The following MACROD1 variants were observed in gnomAD, a reference collection of about 807,000 sequenced individuals.
MACROD1 encodes mono-ADP ribosylhydrolase 1.
Under a neutral mutation model 41.4 loss-of-function variants are expected in MACROD1, and 31 were observed. The ratio of observed to expected loss-of-function variants is 0.75; its 90% CI spans 0.56 to 1.01. MACROD1 has a LOEUF of 1.01. MACROD1 is among the 50% of genes least tolerant of loss of function. The pLI, the probability that MACROD1 is intolerant of heterozygous loss-of-function variation, is 0.00. For missense variants in MACROD1, 473 were observed against 460.0 expected, an observed-to-expected ratio of 1.03 and a Z score of -0.26; for synonymous variants, 252 against 203.4, an observed-to-expected ratio of 1.24 and a Z score of -2.03.
chr11:64,154,219 C>T (rs1945630309), intron 1 of MACROD1, among the ~76,000 whole-genome samples: 1 of 152,172 alleles, frequency 6.6e-6, no homozygotes, highest in African/African-American at 2.4e-5. Context: ...TGCCTGCCTG[C>T]TCTCATTCCC....
At chr11:64,143,743 GACACACACAT>G (rs1351110350) in intron 3 of MACROD1, among the ~76,000 whole-genome samples, 2,679 of 71,452 alleles carry the variant, frequency 0.037, 72 homozygotes, top group African/African-American at 0.072. Context: ...CCCCAACCCC[GACACACACAT>G]ACACACACAC....
At chr11:64,005,608 C>G (rs755707829) in intron 4 of MACROD1, among the ~76,000 whole-genome samples, 1 of 152,232 alleles carries the variant, frequency 6.6e-6, no homozygotes, top group African/African-American at 2.4e-5. Flanking sequence ...GGTGCCGAGT[C>G]TCATACCTCT....
At chr11:64,084,760 C>G (rs949129248) in intron 3 of MACROD1, among the ~76,000 whole-genome samples, 3 of 152,184 alleles carry the variant, frequency 2.0e-5, no homozygotes, top group African/African-American at 7.2e-5. Flanking sequence ...CTTGGTGACC[C>G]CAGCATTCTC....
rs1191561780 is a variant in MACROD1, at chr11:64,146,804, CCACA to C, written c.517+4431_517+4434del. ...CATCATACAAATGCATACGCACACC[CCACA>C]CACATAGGCCAAACTCCTGACCTCA... On this transcript the variant is annotated intron_variant, in intron 3 of 10. Transcript: ENST00000255681. The surrounding 1 kb of genome is among the most constrained non-coding windows in gnomAD (Gnocchi z 4.7). Among the ~76,000 whole-genome samples, 5 of 151,786 alleles carry C rather than the reference CCACA, an allele frequency of 3.3e-5. No individual in the cohort carries two copies. The East Asian group carries it at 5.8e-4, about 18-fold the overall frequency.
intron 3 of MACROD1, among the ~76,000 whole-genome samples, chr11:64,144,115 C>T (rs1188578141): frequency 6.6e-6 from 1 of 151,660 alleles, no homozygotes; most frequent in Non-Finnish European, 1.5e-5. Context: ...CCGTGGCTCA[C>T]TCCAGACCCC....
At chr11:64,008,636 C>T (rs1158606786) in intron 4 of MACROD1, among the ~76,000 whole-genome samples, 1 of 152,158 alleles carries the variant, frequency 6.6e-6, no homozygotes, top group East Asian at 1.9e-4. Flanking sequence ...CCTAGCTTCT[C>T]TTGGGCGGTG....
intron 1 of MACROD1, among the ~76,000 whole-genome samples, chr11:64,158,632 C>T (rs548967182): frequency 2.0e-5 from 3 of 152,208 alleles, no homozygotes; most frequent in South Asian, 2.1e-4. Flanking sequence ...GCTTGGAGAG[C>T]GAGGAAGCAG....
At position 63,998,953 on chromosome 11, in the gene MACROD1, AC is replaced by A; in HGVS notation, c.973+1del. On this transcript the variant is annotated splice_donor_variant, in intron 9 of 10. Coordinates refer to ENST00000255681, the MANE Select transcript of MACROD1 (RefSeq NM_014067.4). LOFTEE classifies it high-confidence loss of function. ...GGCCGTGGGGCGGCGCGGGGCACGTACCCACGGGGAAGTAGTGGGGGAGCCG... is the reference window on the plus strand; with the variant it reads ...GGCCGTGGGGCGGCGCGGGGCACGTACCACGGGGAAGTAGTGGGGGAGCCG... 2 of 1,593,310 alleles carry A rather than the reference AC, an allele frequency of 1.3e-6. No homozygotes were observed. Among genetic ancestry groups the A allele is most frequent in the Non-Finnish European group, 1.7e-6 (2 of 1,172,188 alleles).
chr11:64,086,686 G>C, intron 3 of MACROD1, among the ~76,000 whole-genome samples: 1 of 152,188 alleles, frequency 6.6e-6, no homozygotes, highest in Non-Finnish European at 1.5e-5. Flanking sequence ...TGTGTTCAGG[G>C]AAGACAGAGA....
At chr11:64,115,272 C>T (rs770044604) in intron 3 of MACROD1, among the ~76,000 whole-genome samples, 6 of 152,100 alleles carry the variant, frequency 3.9e-5, no homozygotes, top group Non-Finnish European at 7.4e-5. Flanking sequence ...GCTATTTTTC[C>T]ATTTGTGAAA....
At chr11:64,026,041 C>T (rs960732829) in intron 3 of MACROD1, among the ~76,000 whole-genome samples, 6 of 152,060 alleles carry the variant, frequency 3.9e-5, no homozygotes, top group South Asian at 2.1e-4. Flanking sequence ...ATCAGCTGGG[C>T]GTGGTGGTGC....
Position 64,030,249 on chromosome 11 carries a change from G to A in MACROD1, c.518-14968C>T, listed in dbSNP as rs561756105. 2.9e-4 allele frequency among the ~76,000 whole-genome samples: 44 copies of A among 151,838 alleles called. 1 individual carries two copies. Among genetic ancestry groups the A allele is most frequent in the African/African-American group, 9.9e-4 (41 of 41,458 alleles). On this transcript the variant is annotated intron_variant, in intron 3 of 10. Transcript: ENST00000255681. ...TGCATCTGGCCCCCCAGAACCCCAGGAGCCATCATCTCCGGGCAATTCCCA... is the reference window on the plus strand; with the variant it reads ...TGCATCTGGCCCCCCAGAACCCCAGAAGCCATCATCTCCGGGCAATTCCCA...
At chr11:64,059,889 C>A (rs943935147) in intron 3 of MACROD1, among the ~76,000 whole-genome samples, 2 of 151,988 alleles carry the variant, frequency 1.3e-5, no homozygotes, top group African/African-American at 4.8e-5. Context: ...CCTTGAAGGC[C>A]GAGGAGGCGA....
chr11:64,094,555 G>T (rs939513374), intron 3 of MACROD1, among the ~76,000 whole-genome samples: 2 of 152,222 alleles, frequency 1.3e-5, no homozygotes, highest in Non-Finnish European at 2.9e-5. Context: ...TGGAGTGAAG[G>T]CCTCCTGAGT....
intron 3 of MACROD1, among the ~76,000 whole-genome samples, chr11:64,144,127 C>A (rs1310346490): frequency 6.6e-6 from 1 of 151,798 alleles, no homozygotes; most frequent in Non-Finnish European, 1.5e-5. Context: ...CCAGACCCCT[C>A]AGAGCCTTCC....
rs1185077560 is a variant in MACROD1 at position 64,138,771 on chromosome 11, A to AT, written c.517+12467dup. Among the ~76,000 whole-genome samples the AT allele has an allele frequency of 1.5e-3, 213 of 142,830 alleles. 1 individual carries two copies. The highest frequency in any genetic ancestry group is 0.015 in the East Asian group (73 of 4,902). The allele number at this position is 142,830 out of a possible 152,430, so 93.7% of individuals were successfully genotyped here. A position where few individuals can be genotyped will look rare whatever the true frequency, so the allele number is the denominator to read the frequency against. On this transcript the variant is annotated intron_variant, in intron 3 of 10. Coordinates refer to ENST00000255681, the MANE Select transcript of MACROD1 (RefSeq NM_014067.4). ...CAGGAGGTGGGTGCCACTGATGGGG[A>AT]TTTTTTTTTTTTTTAAGACAGAGTC...
intron 3 of MACROD1, among the ~76,000 whole-genome samples, chr11:64,109,197 G>A (rs1373792008): frequency 6.6e-6 from 1 of 152,138 alleles, no homozygotes; most frequent in Non-Finnish European, 1.5e-5. Context: ...GGACATGCCT[G>A]TGAATAGAAA....
intron 2 of MACROD1, among the ~76,000 whole-genome samples, chr11:64,151,945 A>G (rs1945585545): frequency 1.3e-5 from 2 of 152,150 alleles, no homozygotes; most frequent in South Asian, 4.1e-4. Context: ...CCTGGCCAAT[A>G]TGGTGAAACC....
At chr11:64,056,735 G>A (rs1943793311) in intron 3 of MACROD1, among the ~76,000 whole-genome samples, 1 of 152,202 alleles carries the variant, frequency 6.6e-6, no homozygotes, top group African/African-American at 2.4e-5. Context: ...AGGGGTGTGA[G>A]GCCCATCCTG....
Sources: gnomAD v4.1 joint callset for allele counts (sites outside exome capture counted in the v4.1 genomes callset) on GRCh38, gnomAD v4.1.1 for gene constraint, Gnocchi (gnomAD v3.1) non-coding constraint, MANE v1.5 for transcripts, NCBI Gene and HGNC (gene_info 2026-07-23, HGNC 2026-07-21) for gene names.